GCFC2: variants seen among roughly 807,000 people sequenced by gnomAD.
GCFC2 encodes GC-rich sequence DNA-binding factor 2, also known as intron Large complex component GCFC2.
Under a neutral mutation model 99.4 loss-of-function variants are expected in GCFC2, and 102 were observed. That is an observed-to-expected ratio of 1.03 (90% CI 0.87 to 1.21). The LOEUF is 1.21. GCFC2 is among the 50% of genes most tolerant of loss of function. GCFC2 has a pLI of 0.00. For synonymous variants in GCFC2, 338 were observed against 316.8 expected (o/e 1.07, Z -0.71); for missense variants, 973 against 920.9 (o/e 1.06, Z -0.73).
intron 16 of GCFC2, among the ~76,000 whole-genome samples, chr2:75,665,246 G>C (rs908280095): frequency 6.6e-6 from 1 of 151,946 alleles, no homozygotes; most frequent in Non-Finnish European, 1.5e-5. Context: ...CAACCTCTCA[G>C]GCTCAAGCAA....
At chr2:75,688,803 A>AT (rs1464479790) in intron 10 of GCFC2, among the ~76,000 whole-genome samples, 1 of 151,580 alleles carries the variant, frequency 6.6e-6, no homozygotes, top group African/African-American at 2.4e-5. Context: ...CTAAAAAAAA[A>AT]TGTGTTTGCT....
intron 2 of GCFC2, among the ~76,000 whole-genome samples, chr2:75,705,616 C>CAAAAAAAAA (rs34447327): frequency 1.1e-4 from 9 of 84,304 alleles, no homozygotes; most frequent in East Asian, 3.2e-4. Flanking sequence ...GACTCCATCT[C>CAAAAAAAAA]AAAAAAAAAA....
rs111667126 is a variant in GCFC2, at chr2:75,697,001, TG to T, written c.718-687del. Among the ~76,000 whole-genome samples the T allele has an allele frequency of 9.0e-3, 1,369 of 152,302 alleles. 16 individuals are homozygous for T. The highest frequency in any genetic ancestry group is 0.031 in the African/African-American group (1,284 of 41,568). On this transcript the variant is annotated intron_variant, in intron 4 of 16. Transcript: ENST00000321027. Reference sequence around the variant, plus strand: ...TGGGGTTTCACTGTGTTAGCCAGGATGGTCTCAATCTCCTGACCTCGTCATC... The same window carrying T: ...TGGGGTTTCACTGTGTTAGCCAGGATGTCTCAATCTCCTGACCTCGTCATC...
intron 3 of GCFC2, 29 bp downstream of exon 3, chr2:75,702,170 C>G (rs1255534721): frequency 6.3e-7 from 1 of 1,588,360 alleles, no homozygotes; most frequent in Non-Finnish European, 8.6e-7. Context: ...AAAAAATATC[C>G]TAATCTTCAT....
intron 5 of GCFC2, 169 bp from the exon 6 acceptor site, chr2:75,694,596 C>T: frequency 2.7e-6 from 1 of 364,544 alleles, no homozygotes; most frequent in Non-Finnish European, 4.8e-6. Context: ...TTAGCACTTG[C>T]TTAGGCCAAA....
chr2:75,690,369 G>A (rs759725424), intron 8 of GCFC2: 4 of 501,838 alleles, frequency 8.0e-6, no homozygotes, highest in Non-Finnish European at 1.0e-5. Context: ...CGAAGAGGGG[G>A]TAATTATAAT....
chr2:75,698,906 G>A (rs1680452391), intron 4 of GCFC2, among the ~76,000 whole-genome samples: 1 of 151,880 alleles, frequency 6.6e-6, no homozygotes, highest in Admixed American at 6.6e-5. Flanking sequence ...CAGCTACTCA[G>A]GAAGCTGAGG....
intron 4 of GCFC2, among the ~76,000 whole-genome samples, chr2:75,699,970 G>C (rs901923257): frequency 6.8e-6 from 1 of 146,922 alleles, no homozygotes; most frequent in African/African-American, 2.5e-5. Flanking sequence ...GCGTGATCTT[G>C]GCTCACTGCA....
intron 15 of GCFC2, among the ~76,000 whole-genome samples, chr2:75,668,964 T>C (rs1678969035): frequency 6.6e-6 from 1 of 152,214 alleles, no homozygotes; most frequent in South Asian, 2.1e-4. Flanking sequence ...GTTGTTTTCC[T>C]GTGTTTATAA....
chr2:75,690,425 C>T, intron 8 of GCFC2: 1 of 523,748 alleles, frequency 1.9e-6, no homozygotes, highest in Non-Finnish European at 3.3e-6. Context: ...TGATAAATGT[C>T]ATTTTACCCA....
At position 75,684,348 on chromosome 2, in the gene GCFC2, T is replaced by G. The variant is rs1012491842; in HGVS notation, c.1690+3479A>C. Among the ~76,000 whole-genome samples, 4 of 152,172 alleles carry G rather than the reference T, an allele frequency of 2.6e-5. 1 individual carries two copies. Among genetic ancestry groups the G allele is most frequent in the African/African-American group, 9.7e-5 (4 of 41,444 alleles). ...ACTCACTCAAAACCGCACAACTATATGGAAACTTAACAGCCTGCTCCTGAA... is the reference window on the plus strand; with the variant it reads ...ACTCACTCAAAACCGCACAACTATAGGGAAACTTAACAGCCTGCTCCTGAA... On this transcript the variant is annotated intron_variant, in intron 11 of 16. Coordinates refer to ENST00000321027, the MANE Select transcript of GCFC2 (RefSeq NM_003203.5).
chr2:75,677,551 A>G (rs1321840778), intron 12 of GCFC2, among the ~76,000 whole-genome samples: 1 of 152,246 alleles, frequency 6.6e-6, no homozygotes, highest in African/African-American at 2.4e-5. Context: ...AGTGCACAGG[A>G]CAAACCCTCA....
intron 2 of GCFC2, among the ~76,000 whole-genome samples, chr2:75,705,968 A>G (rs549341475): frequency 6.6e-6 from 1 of 152,322 alleles, no homozygotes; most frequent in Non-Finnish European, 1.5e-5. Context: ...GTTTACAAAA[A>G]CAGGTGGTGG....
At chr2:75,668,852 C>T (rs11691462) in intron 15 of GCFC2, among the ~76,000 whole-genome samples, 76,054 of 152,034 alleles carry the variant, frequency 0.5, 20,545 homozygotes, top group African/African-American at 0.73. Flanking sequence ...TGCCAAAATA[C>T]TCTCCAAAAG....
At chr2:75,688,047 T>G in intron 10 of GCFC2, 70 bp from the exon 11 acceptor site, 1 of 945,768 alleles carries the variant, frequency 1.1e-6, no homozygotes, top group African/African-American at 1.7e-5. Context: ...TAGTTATTAT[T>G]TTTTTCAATA....
upstream of GCFC2, among the ~76,000 whole-genome samples, chr2:75,711,421 A>T (rs1164595701): frequency 1.3e-5 from 2 of 152,226 alleles, no homozygotes; most frequent in Non-Finnish European, 2.9e-5. Context: ...GGGCTTCAAG[A>T]GAGCCTGGTT....
rs769889281 is a variant in GCFC2 at position 75,710,846 on chromosome 2, T to A, written c.10A>T (p.Arg4Trp). 1 of 1,571,396 alleles carries A rather than the reference T, an allele frequency of 6.4e-7. No homozygotes were observed. Among genetic ancestry groups the A allele is most frequent in the Admixed American group, 1.7e-5 (1 of 57,776 alleles). Residue 4 changes from arginine (R) to tryptophan (W), a missense_variant, in exon 1 of 17, where the codon AGG (arginine) becomes TGG (tryptophan). By Grantham distance (101) the Arg-to-Trp change is moderately radical. Transcript: ENST00000321027. ...CGCTGCCGAAAAGTCCTTTTCGGCC[T>A]GTGAGCCATGGCCGAGGCCCGAGCG... MAH[R>W]PKRTFRQRAA...
rs200742837 is a variant in GCFC2, at chr2:75,702,396, T to G, written c.422A>C (p.Gln141Pro). Residue 141 changes from glutamine (Q) to proline (P), a missense_variant, in exon 3 of 17, where the codon CAG becomes CCG. By Grantham distance (76) the Gln-to-Pro change is moderately conservative. Transcript: ENST00000321027. ...CAATTCACGTTTTCTGCGGGCTGCC[T>G]GAATAAAAGCTGCATCTGGGATCTT... The part of the protein sequence containing the change: ...TVKIPDAAFI[Q>P]AARRKRELAR... The G allele has an allele frequency of 1.2e-6, 2 of 1,613,232 alleles. No individual in the cohort carries two copies. Among genetic ancestry groups the G allele is most frequent in the South Asian group, 2.2e-5 (2 of 91,030 alleles).
intron 14 of GCFC2, among the ~76,000 whole-genome samples, chr2:75,671,232 C>A (rs192795194): frequency 3.6e-4 from 55 of 152,230 alleles, no homozygotes; most frequent in African/African-American, 1.2e-3. Flanking sequence ...GTTAGTATTT[C>A]CCGAGGTTCT....
Sources: gnomAD v4.1 joint callset for allele counts (sites outside exome capture counted in the v4.1 genomes callset) on GRCh38, gnomAD v4.1.1 for gene constraint, MANE v1.5 for transcripts, NCBI Gene and HGNC (gene_info 2026-07-23, HGNC 2026-07-21) for gene names.